EYS: variants seen among roughly 807,000 people sequenced by gnomAD.
The protein encoded by EYS is protein eyes shut homolog.
Under a neutral mutation model 282.1 loss-of-function variants are expected in EYS, and 250 were observed. The ratio of observed to expected loss-of-function variants is 0.89; its 90% CI spans 0.80 to 0.98. EYS has a LOEUF of 0.98. Ranked by LOEUF, EYS falls within the 50% of genes least tolerant of loss-of-function variation. EYS has a pLI of 0.00. For missense variants in EYS, 4,016 were observed against 3,709.0 expected (o/e 1.08, Z -2.15); for synonymous variants, 1,355 against 1,282.9 (o/e 1.06, Z -1.20).
intron 28 of EYS, among the ~76,000 whole-genome samples, chr6:64,391,922 T>G (rs532632194): frequency 2.0e-5 from 3 of 151,860 alleles, no homozygotes; most frequent in African/African-American, 4.8e-5. Flanking sequence ...AATAAAAGGA[T>G]GGAGGAAGAT....
At chr6:65,637,947 T>TC (rs986014291) in intron 2 of EYS, among the ~76,000 whole-genome samples, 9 of 152,100 alleles carry the variant, frequency 5.9e-5, no homozygotes, top group African/African-American at 2.2e-4. Flanking sequence ...AAGGGGTGCA[T>TC]CCCAGGTGAA....
intron 12 of EYS, among the ~76,000 whole-genome samples, chr6:65,131,150 T>TTGTG (rs375514443): frequency 8.6e-5 from 13 of 151,308 alleles, no homozygotes; most frequent in Non-Finnish European, 1.6e-4. Context: ...TTAGTTACCT[T>TTGTG]TGTGTGTGTG....
chr6:63,931,421 C>G (rs1476914596), intron 35 of EYS, among the ~76,000 whole-genome samples: 2 of 152,178 alleles, frequency 1.3e-5, no homozygotes, highest in African/African-American at 4.8e-5. Flanking sequence ...TTTTGAATAA[C>G]CTCTTCCATC....
At chr6:65,395,869 C>T (rs1055631423) in intron 7 of EYS, among the ~76,000 whole-genome samples, 1 of 152,066 alleles carries the variant, frequency 6.6e-6, no homozygotes, top group Non-Finnish European at 1.5e-5. Context: ...TTCTCTCAAC[C>T]CCAATTGCCT....
intron 2 of EYS, among the ~76,000 whole-genome samples, chr6:65,614,901 T>C (rs1266851429): frequency 1.3e-5 from 2 of 152,010 alleles, no homozygotes; most frequent in African/African-American, 4.8e-5. Flanking sequence ...CATAAACACA[T>C]ACATGCATGT....
chr6:64,484,353 A>G (rs945077375), intron 26 of EYS, among the ~76,000 whole-genome samples: 2 of 151,378 alleles, frequency 1.3e-5, no homozygotes, highest in Non-Finnish European at 3.0e-5. Flanking sequence ...AGCAAAGGGC[A>G]TAAGAGCAAA....
chr6:65,205,108 A>AAT lies in EYS; in HGVS notation c.2023+90753_2023+90754dup, dbSNP rs1354105035. Among the ~76,000 whole-genome samples the AAT allele has an allele frequency of 5.5e-4, 81 of 146,268 alleles. 1 individual carries two copies. The East Asian group carries it at 7.3e-3, about 13-fold the overall frequency. ...ATATATTCTTTATATATTCTAGAAG[A>AAT]ATATATATATATATCTATCTCCAAC... is the stretch of plus-strand genomic sequence containing the variant. On this transcript the variant is annotated intron_variant, in intron 12 of 42. Transcript: ENST00000503581.
At chr6:64,623,369 T>C (rs1767507467) in intron 23 of EYS, among the ~76,000 whole-genome samples, 1 of 152,162 alleles carries the variant, frequency 6.6e-6, no homozygotes, top group Non-Finnish European at 1.5e-5. Context: ...GGTGTGAATC[T>C]TAGCTTTGCC....
rs550909375 is a variant in EYS, at chr6:65,046,192, C to T, written c.2137+11422G>A. 9.9e-5 allele frequency among the ~76,000 whole-genome samples: 15 copies of T among 151,872 alleles called. No homozygotes were observed. In the East Asian group the frequency reaches 2.9e-3, roughly 30 times the overall value. On this transcript the variant is annotated intron_variant, in intron 13 of 42. Transcript: ENST00000503581. ...GCAACTCCTCTTAGGCTACAGAGCACCAATAGAGAAAAATCACACAAGTTT... is the reference window on the plus strand; with the variant it reads ...GCAACTCCTCTTAGGCTACAGAGCATCAATAGAGAAAAATCACACAAGTTT...
Position 64,591,912 on chromosome 6 carries a change from AG to A in EYS, c.3954del (p.Leu1319TrpfsTer9). 6.5e-7 allele frequency: 1 copy of A among 1,547,678 alleles called. No homozygotes were observed. Among genetic ancestry groups the A allele is most frequent in the African/African-American group, 1.4e-5 (1 of 73,000 alleles). On this transcript the variant is annotated frameshift_variant, in exon 26 of 43. Transcript: ENST00000503581. LOFTEE classifies it high-confidence loss of function. ...TGLATLRIST[P>X]LESYLLQELI... ...AGTTCTTGGAGTAAGTAGCTTTCCA[AG>A]GGTGTGCTAATTCTTAATGTTGCCA...
At chr6:65,469,307 T>C (rs1045614361) in intron 5 of EYS, among the ~76,000 whole-genome samples, 1 of 152,096 alleles carries the variant, frequency 6.6e-6, no homozygotes, top group African/African-American at 2.4e-5. Context: ...TGTAATATCA[T>C]AAGTAGTTCA....
At chr6:64,306,919 TG>T (rs1167802857) in intron 30 of EYS, 50 bp downstream of exon 30, 1 of 838,766 alleles carries the variant, frequency 1.2e-6, no homozygotes, top group Non-Finnish European at 2.0e-6. Context: ...TGATATCTTT[TG>T]GTGTGGTTAT....
intron 2 of EYS, among the ~76,000 whole-genome samples, chr6:65,573,241 G>T (rs1009622815): frequency 2.0e-5 from 3 of 152,066 alleles, no homozygotes; most frequent in Admixed American, 1.3e-4. Flanking sequence ...ACATGTTGAA[G>T]CAAAAATGGA....
chr6:64,041,667 T>C (rs978531438), intron 33 of EYS, among the ~76,000 whole-genome samples: 4 of 152,166 alleles, frequency 2.6e-5, no homozygotes, highest in Non-Finnish European at 5.9e-5. Flanking sequence ...CTTCAGTACA[T>C]ACCAATTTCC....
chr6:65,084,749 C>A (rs928588845), intron 12 of EYS, among the ~76,000 whole-genome samples: 1 of 152,126 alleles, frequency 6.6e-6, no homozygotes, highest in Non-Finnish European at 1.5e-5. Flanking sequence ...CTCACTATCT[C>A]AGTGAGTGTT....
In EYS at chr6:65,295,985, C is replaced by G; in HGVS notation, c.1901G>C (p.Arg634Thr). The change falls in exon 12 of 43, where the codon AGA becomes ACA. Residue 634 changes from arginine (R) to threonine (T), a missense_variant. Arg to Thr is a moderately conservative substitution (Grantham distance 71, BLOSUM62 -1). Transcript: ENST00000503581. ...SHNCNCSGLQ[R>T]YERNICEIDT... ...TATCTCACAGATGTTCCTTTCATAT[C>G]TTTGCAGACCGCTACAGTTACAATT... 1 of 1,551,238 alleles carries G rather than the reference C, an allele frequency of 6.4e-7. No homozygotes were observed. Among genetic ancestry groups the G allele is most frequent in the Non-Finnish European group, 8.7e-7 (1 of 1,146,588 alleles).
At chr6:65,108,576 T>C (rs1775113682) in intron 12 of EYS, among the ~76,000 whole-genome samples, 1 of 152,138 alleles carries the variant, frequency 6.6e-6, no homozygotes, top group Non-Finnish European at 1.5e-5. Context: ...AAAAGACAAC[T>C]CTTAATTGGA....
intron 1 of EYS, among the ~76,000 whole-genome samples, chr6:65,664,147 G>C (rs1011152604): frequency 1.3e-5 from 2 of 152,018 alleles, no homozygotes; most frequent in African/African-American, 2.4e-5. Context: ...CGGGATTACA[G>C]GCATGAGCCA....
chr6:64,108,698 A>G (rs2150264642), intron 31 of EYS, among the ~76,000 whole-genome samples: 1 of 151,308 alleles, frequency 6.6e-6, no homozygotes, highest in East Asian at 1.9e-4. Context: ...ACTCCCACAC[A>G]GAGGTTCTAT....
Sources: gnomAD v4.1 joint callset for allele counts (sites outside exome capture counted in the v4.1 genomes callset) on GRCh38, gnomAD v4.1.1 for gene constraint, MANE v1.5 for transcripts, NCBI Gene and HGNC (gene_info 2026-07-23, HGNC 2026-07-21) for gene names.